The following MYO1F variants were observed in gnomAD, a reference collection of about 807,000 sequenced individuals.
MYO1F encodes unconventional myosin-If.
In MYO1F, 60 loss-of-function variants were observed where a neutral mutation model predicts 146.6. That is an observed-to-expected ratio of 0.41 (90% CI 0.33 to 0.51). MYO1F has a LOEUF of 0.51. Among genes scored for constraint, MYO1F ranks in the 20% least tolerant of loss-of-function variants. The pLI is 0.25. For missense variants in MYO1F, 1,274 were observed against 1,534.3 expected, an observed-to-expected ratio of 0.83 and a Z score of 2.83; for synonymous variants, 602 against 602.1, an observed-to-expected ratio of 1.00 and a Z score of 0.00.
intron 15 of MYO1F, among the ~76,000 whole-genome samples, chr19:8,540,732 C>T (rs1972926822): frequency 1.4e-5 from 2 of 147,062 alleles, no homozygotes; most frequent in South Asian, 2.1e-4. Context: ...AAAAAAAAAT[C>T]GGATTGTGGT....
chr19:8,523,209 A>AT (rs1046078559), intron 25 of MYO1F, among the ~76,000 whole-genome samples: 1 of 151,776 alleles, frequency 6.6e-6, no homozygotes, highest in Non-Finnish European at 1.5e-5. Context: ...TTTTTTAAAT[A>AT]TTTTTAGTAG....
At chr19:8,561,470 CTT>C (rs140177744) in intron 1 of MYO1F, among the ~76,000 whole-genome samples, 17,999 of 126,278 alleles carry the variant, frequency 0.14, 2,399 homozygotes, top group East Asian at 0.68. Context: ...CTCTCTCTCT[CTT>C]TCTTTTTCTC....
At chr19:8,560,582 G>C (rs1235217122) in intron 1 of MYO1F, among the ~76,000 whole-genome samples, 1 of 151,864 alleles carries the variant, frequency 6.6e-6, no homozygotes, top group Non-Finnish European at 1.5e-5. Context: ...TTTTGTTTTG[G>C]TTTGGTTTTT....
At chr19:8,541,425 G>T (rs111510988) in intron 15 of MYO1F, among the ~76,000 whole-genome samples, 1,000 of 87,868 alleles carry the variant, frequency 0.011, 7 homozygotes, top group African/African-American at 0.02. Flanking sequence ...GTGTGTGTGT[G>T]TTTTTTTTTT....
intron 1 of MYO1F, among the ~76,000 whole-genome samples, chr19:8,574,733 C>CT (rs2042203648): frequency 1.6e-5 from 2 of 128,756 alleles, no homozygotes; most frequent in East Asian, 4.4e-4. Context: ...TTCTTTCTTT[C>CT]TTTTTCTTTC....
chr19:8,538,912 G>A (rs943059450), intron 16 of MYO1F, among the ~76,000 whole-genome samples: 1 of 152,162 alleles, frequency 6.6e-6, no homozygotes, highest in South Asian at 2.1e-4. Context: ...AGATGAGAAA[G>A]TTCTGGAGAT....
chr19:8,559,020 A>C (rs1479063433), intron 1 of MYO1F, among the ~76,000 whole-genome samples: 1 of 151,870 alleles, frequency 6.6e-6, no homozygotes, highest in Admixed American at 6.6e-5. Flanking sequence ...CTGGCACTAC[A>C]GGCACACACC....
At chr19:8,525,285 T>G in intron 25 of MYO1F, 194 bp downstream of exon 25, 2 of 523,002 alleles carry the variant, frequency 3.8e-6, no homozygotes, top group South Asian at 2.2e-5. Flanking sequence ...GTTAGCTGGG[T>G]TTGGGTTTTG....
chr19:8,577,252 C>T lies in MYO1F; in HGVS notation c.3+55G>A. ...GATGGTCATTTTTAGGACACCTCCA[C>T]CTGGCTGGTGTCCCTCCTCTTTCTT... On this transcript the variant is annotated intron_variant, in intron 1 of 27. Transcript: ENST00000644032. This position sits in a 1 kb window ranked among gnomAD's most constrained non-coding sequence, Gnocchi z 4.3. The T allele has an allele frequency of 1.2e-6, 2 of 1,603,704 alleles. No homozygotes were observed. Among genetic ancestry groups the T allele is most frequent in the Non-Finnish European group, 8.5e-7 (1 of 1,172,502 alleles).
intron 1 of MYO1F, among the ~76,000 whole-genome samples, chr19:8,562,069 C>T (rs187022158): frequency 1.3e-5 from 2 of 151,378 alleles, no homozygotes; most frequent in Admixed American, 1.3e-4. Context: ...GAGTCTTGCT[C>T]TGTCGCCCAG....
chr19:8,559,272 A>G (rs144683390), intron 1 of MYO1F, among the ~76,000 whole-genome samples: 84 of 137,096 alleles, frequency 6.1e-4, no homozygotes, highest in African/African-American at 2.2e-3. Flanking sequence ...GGGCAACTGT[A>G]AGGCAGAAGT....
At chr19:8,568,782 G>A (rs1279349628) in intron 1 of MYO1F, among the ~76,000 whole-genome samples, 6 of 152,044 alleles carry the variant, frequency 3.9e-5, no homozygotes, top group Non-Finnish European at 2.9e-5. Context: ...TTAGCCCGGC[G>A]TGGTGGCGGG....
chr19:8,550,378 C>A, intron 9 of MYO1F, 22 bp from the exon 10 acceptor site: 11 of 1,602,858 alleles, frequency 6.9e-6, no homozygotes, highest in Non-Finnish European at 9.4e-6. Flanking sequence ...AAGGTCAGGG[C>A]AAAAATGGGA....
chr19:8,521,472 C>G lies in MYO1F; in HGVS notation c.*56G>C. 6.3e-7 allele frequency: 1 copy of G among 1,587,510 alleles called. No homozygotes were observed. Among genetic ancestry groups the G allele is most frequent in the Non-Finnish European group, 8.6e-7 (1 of 1,159,926 alleles). ...CTCATTGGCAGGGCCTGGCTCCCCA[C>G]CAGGCCGGCAGGCAGATAGGCGGGC... On this transcript the variant is annotated 3_prime_UTR_variant, in exon 28 of 28. Coordinates refer to ENST00000644032, the MANE Select transcript of MYO1F (RefSeq NM_012335.4).
At chr19:8,527,940 A>G (rs958657908) in intron 21 of MYO1F, among the ~76,000 whole-genome samples, 6 of 152,190 alleles carry the variant, frequency 3.9e-5, no homozygotes, top group African/African-American at 1.4e-4. Context: ...AAACAGAAGG[A>G]GGGCTGGGTG....
At position 8,521,722 on chromosome 19, in the gene MYO1F, C is replaced by A. The variant is rs538425463; in HGVS notation, c.3221-118G>T. ...ATGTTGTCCAGGCTGGTCTTAAACT[C>A]CTAGGCTTAAGCCATCCTCCTGCCT... On this transcript the variant is annotated intron_variant, in intron 27 of 27. Transcript: ENST00000644032. 55 of 941,902 alleles carry A rather than the reference C, an allele frequency of 5.8e-5. 1 individual carries two copies. In the African/African-American group the frequency reaches 8.6e-4, roughly 15 times the overall value. 58.3% of individuals were successfully genotyped at this position (941,902 alleles called of 1,614,324 possible).
At position 8,530,062 on chromosome 19, in the gene MYO1F, G is replaced by A; in HGVS notation, c.2328+134C>T. The A allele has an allele frequency of 7.9e-7, 1 of 1,260,714 alleles. No homozygotes were observed. Among genetic ancestry groups the A allele is most frequent in the South Asian group, 1.2e-5 (1 of 83,094 alleles). 78.1% of individuals were successfully genotyped at this position (1,260,714 alleles called of 1,614,324 possible). On this transcript the variant is annotated intron_variant, in intron 21 of 27. Coordinates refer to ENST00000644032, the MANE Select transcript of MYO1F (RefSeq NM_012335.4). The surrounding 1 kb of genome is among the most constrained non-coding windows in gnomAD (Gnocchi z 5.8). ...CCTGTGGGCAGGTGCATATGGGCCAGGTGAGGGTGTACCTGTGATGGAACA... is the reference window on the plus strand; with the variant it reads ...CCTGTGGGCAGGTGCATATGGGCCAAGTGAGGGTGTACCTGTGATGGAACA...
At chr19:8,561,798 A>G (rs1974145345) in intron 1 of MYO1F, among the ~76,000 whole-genome samples, 1 of 146,608 alleles carries the variant, frequency 6.8e-6, no homozygotes, top group East Asian at 2.1e-4. Flanking sequence ...CTCACTGCAA[A>G]ATCTACCTCC....
chr19:8,562,156 A>ATTT (rs1490847496), intron 1 of MYO1F, among the ~76,000 whole-genome samples: 1 of 142,816 alleles, frequency 7.0e-6, no homozygotes, highest in African/African-American at 2.7e-5. Context: ...TGCCCGGCTA[A>ATTT]TTTTTTCTTT....
Sources: allele counts gnomAD v4.1 joint callset (sites outside exome capture counted in the v4.1 genomes callset), GRCh38; gene constraint gnomAD v4.1.1; non-coding constraint Gnocchi (gnomAD v3.1); transcripts MANE v1.5; gene names NCBI Gene and HGNC (gene_info 2026-07-23, HGNC 2026-07-21).